PHACTR1: variants seen among roughly 807,000 people sequenced by gnomAD.
PHACTR1 encodes RPEL repeat containing 1.
In PHACTR1, 16 loss-of-function variants were observed where a neutral mutation model predicts 69.2. That is an observed-to-expected ratio of 0.23 (90% CI 0.16 to 0.35). PHACTR1 has a LOEUF of 0.35. Ranked by LOEUF, PHACTR1 falls within the 10% of genes least tolerant of loss-of-function variation. The probability of loss-of-function intolerance (pLI) is 1.00; values close to 1 mark genes in which losing one functional copy is unlikely to be tolerated. For missense variants in PHACTR1, 510 were observed against 734.7 expected, an observed-to-expected ratio of 0.69 and a Z score of 3.54; for synonymous variants, 312 against 284.5, an observed-to-expected ratio of 1.10 and a Z score of -0.97.
intron 4 of PHACTR1, among the ~76,000 whole-genome samples, chr6:12,885,590 G>A (rs950347176): frequency 2.6e-5 from 4 of 152,252 alleles, no homozygotes; most frequent in Admixed American, 6.5e-5. Context: ...CCCTTACAGG[G>A]TTTGTTTAAT....
chr6:13,014,961 G>A (rs1393233127), intron 4 of PHACTR1, among the ~76,000 whole-genome samples: 1 of 152,234 alleles, frequency 6.6e-6, no homozygotes, highest in Non-Finnish European at 1.5e-5. Context: ...CGGTTCCCGA[G>A]CAGCTCACCG....
intron 10 of PHACTR1, chr6:13,252,938 G>A (rs983415204): frequency 8.3e-6 from 3 of 363,230 alleles, no homozygotes; most frequent in Non-Finnish European, 1.8e-5. Flanking sequence ...GGGTTTTTGT[G>A]TTTTCGTTTC....
intron 4 of PHACTR1, among the ~76,000 whole-genome samples, chr6:12,886,991 T>G (rs1454822728): frequency 1.3e-5 from 2 of 152,096 alleles, no homozygotes; most frequent in Non-Finnish European, 2.9e-5. Context: ...GCAGCTCCAA[T>G]GTGATAAAAT....
chr6:12,793,033 C>T (rs989430864), intron 4 of PHACTR1, among the ~76,000 whole-genome samples: 2 of 151,968 alleles, frequency 1.3e-5, no homozygotes, highest in Non-Finnish European at 2.9e-5. Context: ...GCTACATTTT[C>T]CCCCTAAAGA....
chr6:12,947,637 A>G (rs1790832681), intron 4 of PHACTR1, among the ~76,000 whole-genome samples: 1 of 152,228 alleles, frequency 6.6e-6, no homozygotes, highest in Non-Finnish European at 1.5e-5. Flanking sequence ...GCTATAAATT[A>G]TATGACCTTT....
intron 4 of PHACTR1, among the ~76,000 whole-genome samples, chr6:12,828,873 T>C (rs1777099196): frequency 6.6e-6 from 1 of 151,924 alleles, no homozygotes; most frequent in Admixed American, 6.6e-5. Context: ...TACAGCTGGA[T>C]AGGAGGAATA....
chr6:12,898,642 T>C (rs1396646883), intron 4 of PHACTR1, among the ~76,000 whole-genome samples: 1 of 152,242 alleles, frequency 6.6e-6, no homozygotes, highest in East Asian at 1.9e-4. Flanking sequence ...TGGGACCACC[T>C]TGGCCAGCTC....
chr6:13,051,616 C>T (rs1489930624), intron 4 of PHACTR1, among the ~76,000 whole-genome samples: 1 of 152,194 alleles, frequency 6.6e-6, no homozygotes, highest in Non-Finnish European at 1.5e-5. Context: ...ATCCGCTTCT[C>T]CCTCTTCCCC....
intron 4 of PHACTR1, among the ~76,000 whole-genome samples, chr6:12,761,904 G>A (rs955410633): frequency 6.6e-6 from 1 of 152,212 alleles, no homozygotes; most frequent in African/African-American, 2.4e-5. Context: ...TCAAACCATA[G>A]AATGACACAG....
intron 10 of PHACTR1, among the ~76,000 whole-genome samples, chr6:13,248,762 T>G (rs1438543803): frequency 1.3e-5 from 2 of 152,180 alleles, no homozygotes; most frequent in African/African-American, 4.8e-5. Context: ...GCCACATCCC[T>G]GCAGCTCTGA....
intron 3 of PHACTR1, among the ~76,000 whole-genome samples, chr6:12,740,082 T>C (rs1162408598): frequency 6.6e-6 from 1 of 152,228 alleles, no homozygotes; most frequent in Non-Finnish European, 1.5e-5. Context: ...TGGAATCATG[T>C]GGTATGTAGT....
At chr6:12,728,961 T>G in intron 3 of PHACTR1, among the ~76,000 whole-genome samples, 1 of 152,170 alleles carries the variant, frequency 6.6e-6, no homozygotes, top group South Asian at 2.1e-4. Context: ...ATGACTAAAG[T>G]TTAGAAACAC....
intron 4 of PHACTR1, among the ~76,000 whole-genome samples, chr6:12,876,999 T>G (rs1221723922): frequency 6.6e-6 from 1 of 152,188 alleles, no homozygotes; most frequent in East Asian, 1.9e-4. Context: ...TCCTCCTTCC[T>G]TCACCTTTTG....
chr6:12,854,064 T>G (rs1365942219), intron 4 of PHACTR1, among the ~76,000 whole-genome samples: 1 of 152,050 alleles, frequency 6.6e-6, no homozygotes, highest in Non-Finnish European at 1.5e-5. Flanking sequence ...GGTGACTGGG[T>G]TATGGGTGTA....
intron 4 of PHACTR1, among the ~76,000 whole-genome samples, chr6:12,891,380 A>T (rs192821004): frequency 2.0e-5 from 3 of 152,294 alleles, no homozygotes; most frequent in African/African-American, 7.2e-5. Flanking sequence ...TTGGAAGTCA[A>T]ACATACAAAG....
At chr6:13,284,543 A>AAT (rs3037749) in intron 13 of PHACTR1, among the ~76,000 whole-genome samples, 1,516 of 61,102 alleles carry the variant, frequency 0.025, 35 homozygotes, top group Middle Eastern at 0.034. Flanking sequence ...AAAAAAAAAA[A>AAT]ATATATATAT....
intron 5 of PHACTR1, among the ~76,000 whole-genome samples, chr6:13,152,145 CA>C (rs758086957): frequency 1.3e-5 from 2 of 152,024 alleles, no homozygotes; most frequent in East Asian, 3.9e-4. Flanking sequence ...CCAGCCTAGC[CA>C]ACATGGTGAA....
chr6:12,988,569 G>C (rs538224369), intron 4 of PHACTR1, among the ~76,000 whole-genome samples: 1 of 152,164 alleles, frequency 6.6e-6, no homozygotes, highest in Admixed American at 6.5e-5. Flanking sequence ...TGTTCGCAAA[G>C]TACCTAAGCA....
At chr6:12,923,034 A>G (rs368932296) in intron 4 of PHACTR1, among the ~76,000 whole-genome samples, 5 of 152,216 alleles carry the variant, frequency 3.3e-5, no homozygotes, top group East Asian at 3.8e-4. Context: ...CATAATTCTG[A>G]TTGCAAAAAT....
Sources: gnomAD v4.1 joint callset for allele counts (sites outside exome capture counted in the v4.1 genomes callset) on GRCh38, gnomAD v4.1.1 for gene constraint, MANE v1.5 for transcripts, NCBI Gene and HGNC (gene_info 2026-07-23, HGNC 2026-07-21) for gene names.